Variants in MPP2 observed in about 807,000 individuals in gnomAD.
MPP2 encodes MAGUK p55 subfamily member 2.
A neutral mutation model predicts 58.5 loss-of-function variants in MPP2; 42 were observed. The observed-to-expected ratio is 0.72, with a 90% CI of 0.56 to 0.93. MPP2 has a LOEUF of 0.93. Among genes scored for constraint, MPP2 ranks in the 40% least tolerant of loss-of-function variants. MPP2 has a pLI of 0.00. For synonymous variants in MPP2, 300 were observed against 307.8 expected, an observed-to-expected ratio of 0.97 and a Z score of 0.26; for missense variants, 632 against 760.4, an observed-to-expected ratio of 0.83 and a Z score of 1.99.
At chr17:43,883,718 C>T (rs1160444441) in intron 3 of MPP2, among the ~76,000 whole-genome samples, 1 of 149,788 alleles carries the variant, frequency 6.7e-6, no homozygotes, top group Non-Finnish European at 1.5e-5. Context: ...TTGGGTGGGG[C>T]CTTGAAGACC....
intron 3 of MPP2, among the ~76,000 whole-genome samples, chr17:43,895,244 G>C (rs910770923): frequency 6.6e-6 from 1 of 152,016 alleles, no homozygotes; most frequent in African/African-American, 2.4e-5. Flanking sequence ...CTCTTGAGTA[G>C]TTGGGACTAC....
chr17:43,904,331 T>A lies in MPP2; in HGVS notation c.31+99A>T, dbSNP rs1028298297. ...GTAGGGTGGACAGCAGTGGAGCCAGTTGGTTCTTATCTGGAGCTGTGCAAG... is the reference window on the plus strand; with the variant it reads ...GTAGGGTGGACAGCAGTGGAGCCAGATGGTTCTTATCTGGAGCTGTGCAAG... On this transcript the variant is annotated intron_variant, in intron 2 of 12. Coordinates refer to ENST00000269095, the MANE Select transcript of MPP2 (RefSeq NM_005374.5). 6.2e-6 allele frequency: 7 copies of A among 1,122,602 alleles called. No homozygotes were observed. In the African/African-American group the frequency reaches 1.1e-4, roughly 17 times the overall value. The allele number at this position is 1,122,602 out of a possible 1,614,324, so 69.5% of individuals were successfully genotyped here. A position where few individuals can be genotyped will look rare whatever the true frequency, so the allele number is the denominator to read the frequency against.
Position 43,879,761 on chromosome 17 carries a change from G to C in MPP2, c.1353+21C>G. On this transcript the variant is annotated intron_variant, in intron 11 of 12. Transcript: ENST00000269095. The surrounding 1 kb of genome is among the most constrained non-coding windows in gnomAD (Gnocchi z 4.1). ...GCAGAGAGGACATTGGGCAGGCTGG[G>C]AAGGAGCAGAGTGGCGGTACCTGGG... 1 of 1,612,252 alleles carries C rather than the reference G, an allele frequency of 6.2e-7. No homozygotes were observed. Among genetic ancestry groups the C allele is most frequent in the Non-Finnish European group, 8.5e-7 (1 of 1,179,668 alleles).
rs764271151 is a variant in MPP2 at position 43,879,841 on chromosome 17, C to T, written c.1294G>A (p.Asp432Asn). The change falls in exon 11 of 13, where the codon GAC (aspartate) becomes AAC (asparagine). Residue 432 changes from aspartate (D) to asparagine (N), a missense_variant. By Grantham distance (23) the Asp-to-Asn change is conservative. Coordinates refer to ENST00000269095, the MANE Select transcript of MPP2 (RefSeq NM_005374.5). This position sits in a 1 kb window ranked among gnomAD's most constrained non-coding sequence, Gnocchi z 4.1. ...YEGNLYGTRI[D>N]SIRGVVAAGK... ...GCAGCGACCACGCCCCGGATGGAGT[C>T]AATACGTGTGCCATACAGGTTGCCC... 4.3e-6 allele frequency: 7 copies of T among 1,613,882 alleles called. No homozygotes were observed. Among genetic ancestry groups the T allele is most frequent in the Non-Finnish European group, 5.9e-6 (7 of 1,179,974 alleles).
chr17:43,876,660 C>G lies in MPP2; in HGVS notation c.*1147G>C, dbSNP rs112934026. The G allele has an allele frequency of 1.9e-5, 1 of 52,726 alleles. No homozygotes were observed. Among genetic ancestry groups the G allele is most frequent in the Non-Finnish European group, 5.8e-5 (1 of 17,236 alleles). The allele number at this position is 52,726 out of a possible 1,614,324, so 3.3% of individuals were successfully genotyped here. A position where few individuals can be genotyped will look rare whatever the true frequency, so the allele number is the denominator to read the frequency against. ...CCTGACACACACACACACACACGCA[C>G]GTGCACACGCACACACATACACACA... On this transcript the variant is annotated 3_prime_UTR_variant, in exon 13 of 13. Transcript: ENST00000269095.
At position 43,877,103 on chromosome 17, in the gene MPP2, AT is replaced by A. The variant is rs2046877379; in HGVS notation, c.*703del. On this transcript the variant is annotated 3_prime_UTR_variant, in exon 13 of 13. Coordinates refer to ENST00000269095, the MANE Select transcript of MPP2 (RefSeq NM_005374.5). Reference sequence around the variant, plus strand: ...GAGCAGGGCTGACCTGTCAGGACACATTGGAGAAATCTGGAGAAACTTCGGC... The same window carrying A: ...GAGCAGGGCTGACCTGTCAGGACACATGGAGAAATCTGGAGAAACTTCGGC... 1 of 152,950 alleles carries A rather than the reference AT, an allele frequency of 6.5e-6. No homozygotes were observed. Among genetic ancestry groups the A allele is most frequent in the Admixed American group, 6.5e-5 (1 of 15,288 alleles). The allele number at this position is 152,950 out of a possible 1,614,324, so 9.5% of individuals were successfully genotyped here.
intron 2 of MPP2, chr17:43,900,411 T>G (rs959807910): frequency 1.3e-6 from 2 of 1,532,322 alleles, no homozygotes; most frequent in East Asian, 2.5e-5. Context: ...CCGACTCTGC[T>G]GGAGGAAGGT....
At chr17:43,890,171 AT>A (rs2047547067) in intron 3 of MPP2, among the ~76,000 whole-genome samples, 1 of 151,662 alleles carries the variant, frequency 6.6e-6, no homozygotes, top group African/African-American at 2.4e-5. Context: ...CTGGGGTCTG[AT>A]TTTTTTTCAC....
intron 2 of MPP2, 93 bp from the exon 3 acceptor site, chr17:43,898,473 T>C (rs984231898): frequency 4.7e-6 from 2 of 429,484 alleles, no homozygotes; most frequent in Non-Finnish European, 7.5e-6. Flanking sequence ...CCCACCCCCA[T>C]GTCCCACAGA....
In MPP2 at chr17:43,881,172, G is replaced by C. The variant is rs2143545974; in HGVS notation, c.920-14C>G. ...CGCATAGGGTCCCTGGCCATAGGGA[G>C]ATGGGTGAGTGAGGCAGACAGGGCC... On this transcript the variant is annotated splice_polypyrimidine_tract_variant and intron_variant, in intron 8 of 12. Coordinates refer to ENST00000269095, the MANE Select transcript of MPP2 (RefSeq NM_005374.5). 6.2e-7 allele frequency: 1 copy of C among 1,614,084 alleles called. No homozygotes were observed. The highest frequency in any genetic ancestry group is 1.6e-4 in the Middle Eastern group (1 of 6,062).
At chr17:43,909,400 C>T (rs568141280), upstream of MPP2, 8 of 460,096 alleles carry the variant, frequency 1.7e-5, 1 homozygote, top group Admixed American at 3.1e-4. Flanking sequence ...AGGAAGAGTT[C>T]CCCTTTCCAT....
chr17:43,882,134 G>A (rs976631107), intron 6 of MPP2, 150 bp downstream of exon 6: 15 of 709,646 alleles, frequency 2.1e-5, no homozygotes, highest in Non-Finnish European at 3.3e-5. Flanking sequence ...GCCTGTCGGC[G>A]GCTGCGGTCA....
chr17:43,900,613 C>A (rs1366710655), intron 2 of MPP2: 1 of 1,477,972 alleles, frequency 6.8e-7, no homozygotes, highest in Non-Finnish European at 9.0e-7. Flanking sequence ...ACCGCCTCCC[C>A]AGCCAAAGCC....
chr17:43,889,045 C>T (rs1013100215), intron 3 of MPP2, among the ~76,000 whole-genome samples: 1 of 151,778 alleles, frequency 6.6e-6, no homozygotes, highest in East Asian at 1.9e-4. Flanking sequence ...TGTGCTTCAA[C>T]CTCCCGAACA....
intron 6 of MPP2, among the ~76,000 whole-genome samples, chr17:43,881,975 A>C (rs1053217454): frequency 6.6e-6 from 1 of 152,216 alleles, no homozygotes; most frequent in Admixed American, 6.5e-5. Context: ...TATCCAGGAC[A>C]TATGACAACC....
chr17:43,877,245 T>G lies in MPP2; in HGVS notation c.*562A>C, dbSNP rs2046886075. On this transcript the variant is annotated 3_prime_UTR_variant, in exon 13 of 13. Transcript: ENST00000269095. ...CAGCTGTGGCCACTAGCTCTCACTC[T>G]GACTCCTCCAGCCTTCAAGATGGCA... The G allele has an allele frequency of 6.5e-6, 1 of 153,128 alleles. No individual in the cohort carries two copies. Among genetic ancestry groups the G allele is most frequent in the African/African-American group, 2.4e-5 (1 of 41,474 alleles). 9.5% of individuals were successfully genotyped at this position (153,128 alleles called of 1,614,324 possible).
chr17:43,909,466 C>T, upstream of MPP2: 1 of 947,716 alleles, frequency 1.1e-6, no homozygotes, highest in Non-Finnish European at 1.4e-6. Context: ...AATCACTCAG[C>T]TATTTGTATT....
At chr17:43,894,381 C>A (rs111753912) in intron 3 of MPP2, among the ~76,000 whole-genome samples, 3,119 of 145,692 alleles carry the variant, frequency 0.021, 77 homozygotes, top group African/African-American at 0.063. Context: ...TGTGCCACTG[C>A]ACTCCAGCCC....
intron 2 of MPP2, chr17:43,901,228 G>A (rs901538860): frequency 5.1e-6 from 5 of 982,640 alleles, no homozygotes; most frequent in African/African-American, 1.7e-5. Flanking sequence ...GGGAGGCAGG[G>A]TACGTGGGGG....
Sources: gnomAD v4.1 joint callset for allele counts (sites outside exome capture counted in the v4.1 genomes callset) on GRCh38, gnomAD v4.1.1 for gene constraint, Gnocchi (gnomAD v3.1) non-coding constraint, MANE v1.5 for transcripts, NCBI Gene and HGNC (gene_info 2026-07-23, HGNC 2026-07-21) for gene names.